THRB: variants seen among roughly 807,000 people sequenced by gnomAD.
THRB encodes the protein nuclear receptor subfamily 1 group A member 2.
Under a neutral mutation model 47.8 loss-of-function variants are expected in THRB, and 12 were observed. That is an observed-to-expected ratio of 0.25 (90% CI 0.16 to 0.41). The LOEUF (loss-of-function observed/expected upper bound fraction) is 0.41, where lower values mean the gene tolerates loss of function less well. Among genes scored for constraint, THRB ranks in the 10% least tolerant of loss-of-function variants. The pLI is 1.00. For missense variants in THRB, 348 were observed against 589.2 expected (o/e 0.59, Z 4.24); for synonymous variants, 218 against 212.2 (o/e 1.03, Z -0.24).
chr3:24,156,355 C>G (rs1431643122), intron 5 of THRB, among the ~76,000 whole-genome samples: 4 of 152,232 alleles, frequency 2.6e-5, no homozygotes, highest in African/African-American at 9.6e-5. Context: ...AGGAGAAACA[C>G]TGGTTCCTCT....
intron 1 of THRB, chr3:24,459,063 C>T (rs2073452186): frequency 1.3e-5 from 2 of 152,080 alleles, no homozygotes; most frequent in South Asian, 4.1e-4. Context: ...CACCCATCAA[C>T]CTGTCACCTA....
intron 4 of THRB, among the ~76,000 whole-genome samples, chr3:24,215,670 C>T (rs1420656171): frequency 6.6e-6 from 1 of 152,226 alleles, no homozygotes; most frequent in Non-Finnish European, 1.5e-5. Flanking sequence ...TCTGCATACT[C>T]CTAACTTCCT....
At chr3:24,314,471 T>C (rs2057975915) in intron 2 of THRB, among the ~76,000 whole-genome samples, 2 of 152,240 alleles carry the variant, frequency 1.3e-5, no homozygotes, top group African/African-American at 4.8e-5. Flanking sequence ...TGCTATTATG[T>C]GGCAATTTTG....
Position 24,424,459 on chromosome 3 carries a change from T to C in THRB, c.-261+70193A>G, listed in dbSNP as rs145359670. Among the ~76,000 whole-genome samples, 1,361 of 152,034 alleles carry C rather than the reference T, an allele frequency of 9.0e-3. 14 individuals carry two copies. The highest frequency in any genetic ancestry group is 0.017 in the Middle Eastern group (5 of 294). ...TCCTTAGTAAGCAGCATTGGCAATA[T>C]CTGGAGAACTTACTGGAAATGAAAA... On this transcript the variant is annotated intron_variant, in intron 1 of 10. Transcript: ENST00000646209.
chr3:24,448,514 C>T lies in THRB; in HGVS notation c.-261+46138G>A, dbSNP rs192853273. On this transcript the variant is annotated intron_variant, in intron 1 of 10. Transcript: ENST00000646209. ...AAGCTACAATACACAGATAAGCAGG[C>T]CTTGTCCTGGTTTGTTCCATCGGCT... 8.5e-5 allele frequency among the ~76,000 whole-genome samples: 13 copies of T among 152,236 alleles called. No individual in the cohort carries two copies. The East Asian group carries it at 2.5e-3, about 29-fold the overall frequency.
intron 8 of THRB, among the ~76,000 whole-genome samples, chr3:24,133,696 A>AGAGC (rs2034216977): frequency 7.9e-4 from 1 of 1,262 alleles, no homozygotes; most frequent in South Asian, 0.045. Flanking sequence ...TGCTGCAGAA[A>AGAGC]GAGAGAGAGA....
rs2062537141 is a variant in THRB, at chr3:24,340,215, A to G, written c.-260-2844T>C. On this transcript the variant is annotated intron_variant, in intron 1 of 10. Transcript: ENST00000646209. ...GTATGAATGAAATTGCACAGAACAAACTAGCAAATACATAATGCATATTTT... is the reference window on the plus strand; with the variant it reads ...GTATGAATGAAATTGCACAGAACAAGCTAGCAAATACATAATGCATATTTT... Among the ~76,000 whole-genome samples the G allele has an allele frequency of 2.6e-5, 4 of 152,246 alleles. No individual in the cohort carries two copies. The South Asian group carries it at 8.3e-4, about 32-fold the overall frequency.
chr3:24,326,825 C>T (rs530576087), intron 2 of THRB, among the ~76,000 whole-genome samples: 3 of 125,274 alleles, frequency 2.4e-5, no homozygotes, highest in Admixed American at 1.0e-4. Context: ...AGTGCAGTGG[C>T]GCAATCTTGG....
At position 24,244,551 on chromosome 3, in the gene THRB, A is replaced by C. The variant is rs146427897; in HGVS notation, c.-42-15550T>G. ...CTTAATAACTTCCACATCTATCAAA[A>C]TTCTGCAGTCTTTTCTAGGCCTCCA... On this transcript the variant is annotated intron_variant, in intron 3 of 10. Transcript: ENST00000646209. Among the ~76,000 whole-genome samples, 317 of 152,314 alleles carry C rather than the reference A, an allele frequency of 2.1e-3. 2 individuals are homozygous for C. The highest frequency in any genetic ancestry group is 7.4e-3 in the African/African-American group (306 of 41,574).
intron 2 of THRB, among the ~76,000 whole-genome samples, chr3:24,333,621 T>C (rs933550617): frequency 1.3e-5 from 2 of 152,238 alleles, no homozygotes; most frequent in Non-Finnish European, 2.9e-5. Flanking sequence ...TCAGGAAATT[T>C]GTGTGCATGT....
chr3:24,332,286 C>T (rs1347248668), intron 2 of THRB, among the ~76,000 whole-genome samples: 1 of 152,170 alleles, frequency 6.6e-6, no homozygotes, highest in Non-Finnish European at 1.5e-5. Context: ...AGGATAAAGC[C>T]ATATGCTAAG....
At chr3:24,208,202 C>T (rs1408725811) in intron 4 of THRB, among the ~76,000 whole-genome samples, 2 of 151,534 alleles carry the variant, frequency 1.3e-5, no homozygotes, top group Admixed American at 1.3e-4. Flanking sequence ...AAAAAGAGGA[C>T]ACAAACAAAT....
At position 24,220,091 on chromosome 3, in the gene THRB, CT is replaced by C. The variant is rs150870521; in HGVS notation, c.22+8846del. 5.7e-3 allele frequency among the ~76,000 whole-genome samples: 863 copies of C among 152,284 alleles called. 10 individuals carry two copies. The highest frequency in any genetic ancestry group is 0.02 in the African/African-American group (827 of 41,530). On this transcript the variant is annotated intron_variant, in intron 4 of 10. Coordinates refer to ENST00000646209, the MANE Select transcript of THRB (RefSeq NM_001354712.2). ...AACCACTGTGTCCCACTGGGTTGTA[CT>C]TTAGAATTACCTGGACAGTTTTAAA...
At chr3:24,397,736 C>A (rs2067081369) in intron 1 of THRB, among the ~76,000 whole-genome samples, 2 of 151,922 alleles carry the variant, frequency 1.3e-5, no homozygotes, top group Admixed American at 1.3e-4. Flanking sequence ...GCACCTGCCA[C>A]CACACCTGGC....
chr3:24,264,322 G>A (rs1001788734), intron 3 of THRB, among the ~76,000 whole-genome samples: 2 of 152,156 alleles, frequency 1.3e-5, no homozygotes, highest in Non-Finnish European at 2.9e-5. Flanking sequence ...TAGGGTCAGA[G>A]TTGAGTAGAG....
At chr3:24,254,654 T>C (rs2051057824) in intron 3 of THRB, among the ~76,000 whole-genome samples, 1 of 152,240 alleles carries the variant, frequency 6.6e-6, no homozygotes, top group Non-Finnish European at 1.5e-5. Context: ...TGTTGATTGC[T>C]ATCAGGGTTT....
chr3:24,312,981 T>C (rs770526258), intron 2 of THRB, among the ~76,000 whole-genome samples: 1 of 152,048 alleles, frequency 6.6e-6, no homozygotes, highest in African/African-American at 2.4e-5. Context: ...GAAATGGAGA[T>C]GGTGGGAGTG....
At chr3:24,326,754 G>GTTTTTTTTTTTTTT (rs1300726453) in intron 2 of THRB, among the ~76,000 whole-genome samples, 1 of 58,968 alleles carries the variant, frequency 1.7e-5, no homozygotes, top group Non-Finnish European at 2.8e-5. Flanking sequence ...GTCCAGTCTT[G>GTTTTTTTTTTTTTT]TCTTTTTTTT....
chr3:24,488,259 C>T (rs62230463), intron 1 of THRB, among the ~76,000 whole-genome samples: 5,195 of 152,200 alleles, frequency 0.034, 108 homozygotes, highest in South Asian at 0.054. Context: ...GCCATGACTC[C>T]CTGAAGACCC....
Sources: allele counts gnomAD v4.1 joint callset (sites outside exome capture counted in the v4.1 genomes callset), GRCh38; gene constraint gnomAD v4.1.1; transcripts MANE v1.5; gene names NCBI Gene and HGNC (gene_info 2026-07-23, HGNC 2026-07-21).